Variants in MEGF11 observed in about 807,000 individuals in gnomAD.
The protein encoded by MEGF11 is multiple epidermal growth factor-like domains protein 11.
In MEGF11, 126 loss-of-function variants were observed where a neutral mutation model predicts 146.6. The observed-to-expected ratio is 0.86, with a 90% confidence interval of 0.74 to 1.00. The LOEUF (loss-of-function observed/expected upper bound fraction) is 1.00, where lower values mean the gene tolerates loss of function less well. Ranked by LOEUF, MEGF11 falls within the 50% of genes least tolerant of loss-of-function variation. The pLI, the probability that MEGF11 is intolerant of heterozygous loss-of-function variation, is 0.00. For synonymous variants in MEGF11, 532 were observed against 583.4 expected, an observed-to-expected ratio of 0.91 and a Z score of 1.27; for missense variants, 1,509 against 1,521.2, an observed-to-expected ratio of 0.99 and a Z score of 0.13.
At chr15:65,952,831 C>T (rs1231963499) in intron 10 of MEGF11, among the ~76,000 whole-genome samples, 2 of 152,264 alleles carry the variant, frequency 1.3e-5, no homozygotes, top group Non-Finnish European at 2.9e-5. Context: ...TTTGCCCCCA[C>T]TGGGCAGCCA....
intron 5 of MEGF11, among the ~76,000 whole-genome samples, chr15:66,006,810 C>T (rs1334616936): frequency 6.6e-6 from 1 of 152,248 alleles, no homozygotes; most frequent in Admixed American, 6.5e-5. Context: ...GGGCAGCTCC[C>T]TGCTGGCAGC....
At chr15:65,980,747 T>A in intron 7 of MEGF11, 31 bp downstream of exon 7, 1 of 1,558,976 alleles carries the variant, frequency 6.4e-7, no homozygotes, top group Non-Finnish European at 8.7e-7. Flanking sequence ...AGCCCTCCAG[T>A]GCCCCACCCA....
intron 1 of MEGF11, among the ~76,000 whole-genome samples, chr15:66,175,825 C>T (rs2090375354): frequency 6.6e-6 from 1 of 151,982 alleles, no homozygotes. Flanking sequence ...ACGAATGGGA[C>T]TATATCAAAC....
At chr15:65,992,286 C>T (rs1043871617) in intron 5 of MEGF11, among the ~76,000 whole-genome samples, 2 of 152,116 alleles carry the variant, frequency 1.3e-5, no homozygotes, top group African/African-American at 4.8e-5. Context: ...TTATCAGAGC[C>T]GGGCATCTCT....
chr15:65,935,322 G>GAAAAAAAAAAAAA (rs71139449), intron 10 of MEGF11, among the ~76,000 whole-genome samples: 2 of 35,204 alleles, frequency 5.7e-5, no homozygotes, highest in Non-Finnish European at 9.5e-5. Flanking sequence ...TCCGTCTCAA[G>GAAAAAAAAAAAAA]AAAAAAAAAA....
intron 4 of MEGF11, among the ~76,000 whole-genome samples, chr15:66,097,275 G>T (rs2086594839): frequency 6.6e-6 from 1 of 152,206 alleles, no homozygotes; most frequent in Admixed American, 6.5e-5. Flanking sequence ...AGGGGCTGGG[G>T]GTGCTGCGGG....
At chr15:66,047,802 C>A (rs2084274284) in intron 5 of MEGF11, among the ~76,000 whole-genome samples, 1 of 151,382 alleles carries the variant, frequency 6.6e-6, no homozygotes, top group South Asian at 2.1e-4. Context: ...ACAGGGACGT[C>A]CCCCAGGACT....
chr15:66,204,960 G>A (rs1334827953), intron 1 of MEGF11, among the ~76,000 whole-genome samples: 1 of 150,156 alleles, frequency 6.7e-6, no homozygotes, highest in African/African-American at 2.4e-5. Flanking sequence ...ACAACATGGT[G>A]GTGTGTTCCT....
rs559564046 is a variant in MEGF11, at chr15:66,071,368, C to A, written c.394+23034G>T. Reference sequence around the variant, plus strand: ...TCTGAGGTCATCAGCCAATCAGCTTCCAAGGTGCATGGGAAGCCACTGTAT... The same window carrying A: ...TCTGAGGTCATCAGCCAATCAGCTTACAAGGTGCATGGGAAGCCACTGTAT... On this transcript the variant is annotated intron_variant, in intron 5 of 25. Transcript: ENST00000395614. 2.0e-5 allele frequency among the ~76,000 whole-genome samples: 3 copies of A among 152,362 alleles called. No individual in the cohort carries two copies. The East Asian group carries it at 5.8e-4, about 29-fold the overall frequency.
intron 1 of MEGF11, among the ~76,000 whole-genome samples, chr15:66,140,448 T>C (rs745484256): frequency 1.3e-5 from 2 of 152,216 alleles, no homozygotes; most frequent in Non-Finnish European, 2.9e-5. Context: ...TCTCAGTTGC[T>C]TTCTGTTCCC....
intron 10 of MEGF11, among the ~76,000 whole-genome samples, chr15:65,955,192 A>AT (rs1454265957): frequency 1.3e-5 from 2 of 152,074 alleles, no homozygotes; most frequent in Admixed American, 6.5e-5. Flanking sequence ...GCTACGTGAG[A>AT]TTTTTTAATC....
intron 1 of MEGF11, among the ~76,000 whole-genome samples, chr15:66,156,058 G>A (rs1318817475): frequency 6.6e-6 from 1 of 152,156 alleles, no homozygotes; most frequent in Non-Finnish European, 1.5e-5. Flanking sequence ...ATGAATCAAA[G>A]GGTCTCGATG....
chr15:66,014,440 A>T (rs563383606), intron 5 of MEGF11, among the ~76,000 whole-genome samples: 3 of 152,348 alleles, frequency 2.0e-5, no homozygotes, highest in South Asian at 4.1e-4. Flanking sequence ...AGATTTGGTT[A>T]TGTCAAACAA....
intron 4 of MEGF11, among the ~76,000 whole-genome samples, chr15:66,103,537 T>G (rs2086921713): frequency 6.6e-6 from 1 of 152,082 alleles, no homozygotes; most frequent in South Asian, 2.1e-4. Context: ...GCTATGTTGA[T>G]GACAGTGGAG....
At chr15:65,941,325 A>G (rs1728855200) in intron 10 of MEGF11, among the ~76,000 whole-genome samples, 1 of 152,022 alleles carries the variant, frequency 6.6e-6, no homozygotes, top group African/African-American at 2.4e-5. Flanking sequence ...CTGAGGCACA[A>G]GAATAGCCTA....
intron 5 of MEGF11, among the ~76,000 whole-genome samples, chr15:66,074,798 C>T (rs1362235554): frequency 6.6e-6 from 1 of 152,186 alleles, no homozygotes; most frequent in Admixed American, 6.5e-5. Context: ...ATCCATCTCC[C>T]TGTGTCCTTA....
At chr15:66,052,836 A>G (rs1290935835) in intron 5 of MEGF11, among the ~76,000 whole-genome samples, 1 of 152,234 alleles carries the variant, frequency 6.6e-6, no homozygotes, top group Non-Finnish European at 1.5e-5. Flanking sequence ...AGCTTTTAAA[A>G]AATACCAAAG....
chr15:66,140,290 CG>C (rs1468035387), intron 1 of MEGF11, among the ~76,000 whole-genome samples: 3 of 152,176 alleles, frequency 2.0e-5, no homozygotes, highest in Non-Finnish European at 4.4e-5. Flanking sequence ...ATTGCAAAAG[CG>C]TTTTGGTAAC....
intron 5 of MEGF11, among the ~76,000 whole-genome samples, chr15:65,983,852 G>A (rs747264348): frequency 5.3e-5 from 8 of 152,200 alleles, no homozygotes; most frequent in Non-Finnish European, 1.0e-4. Context: ...ATACAGTGGC[G>A]TTCAAGTGTT....
Sources: allele counts gnomAD v4.1 joint callset (sites outside exome capture counted in the v4.1 genomes callset), GRCh38; gene constraint gnomAD v4.1.1; transcripts MANE v1.5; gene names NCBI Gene and HGNC (gene_info 2026-07-23, HGNC 2026-07-21).